PCDHGA5: variants seen among roughly 807,000 people sequenced by gnomAD.
PCDHGA5 encodes the protein protocadherin gamma subfamily A, 5, also known as protocadherin gamma-A5.
A neutral mutation model predicts 56.7 loss-of-function variants in PCDHGA5; 36 were observed. The ratio of observed to expected loss-of-function variants is 0.64; its 90% confidence interval spans 0.49 to 0.84. The LOEUF (loss-of-function observed/expected upper bound fraction) is 0.84. PCDHGA5 is among the 40% of genes least tolerant of loss of function. The pLI, the probability that PCDHGA5 is intolerant of heterozygous loss-of-function variation, is 0.00. For missense variants in PCDHGA5, 1,305 were observed against 1,201.5 expected, an observed-to-expected ratio of 1.09 and a Z score of -1.27; for synonymous variants, 563 against 520.2, an observed-to-expected ratio of 1.08 and a Z score of -1.12.
intron 1 of PCDHGA5, chr5:141,371,379 G>A (rs993730534): frequency 6.2e-7 from 1 of 1,613,974 alleles, no homozygotes; most frequent in Non-Finnish European, 8.5e-7. Flanking sequence ...ACATCACACT[G>A]CATATTGTAA....
At chr5:141,415,458 C>T in intron 1 of PCDHGA5, 5 of 1,614,204 alleles carry the variant, frequency 3.1e-6, no homozygotes, top group Non-Finnish European at 4.2e-6. Flanking sequence ...CCCACGAGGT[C>T]TCTCTCACCG....
At chr5:141,479,855 C>T (rs1330076788) in intron 1 of PCDHGA5, among the ~76,000 whole-genome samples, 2 of 152,128 alleles carry the variant, frequency 1.3e-5, no homozygotes, top group Non-Finnish European at 2.9e-5. Context: ...ACTGCAAGGC[C>T]TTTGCCCTGG....
At chr5:141,423,712 T>C (rs1231796741) in intron 1 of PCDHGA5, 2 of 1,313,518 alleles carry the variant, frequency 1.5e-6, no homozygotes, top group Admixed American at 3.2e-5. Flanking sequence ...CACAAGTCTT[T>C]TAAGGAGATG....
rs112078596 is a variant in PCDHGA5, at chr5:141,490,350, G to A, written c.2422-4457G>A. ...GCACACCAGTGGGCACAGTAGTGGG[G>A]TTGTTTAATGTGCGAGACCGGGACT... On this transcript the variant is annotated intron_variant, in intron 1 of 3. Coordinates refer to ENST00000518069, the MANE Select transcript of PCDHGA5 (RefSeq NM_018918.3). The surrounding 1 kb of genome is among the most constrained non-coding windows in gnomAD (Gnocchi z 5.4). 3.5e-5 allele frequency: 57 copies of A among 1,614,086 alleles called. No homozygotes were observed. The highest frequency in any genetic ancestry group is 4.6e-5 in the Non-Finnish European group (54 of 1,180,042).
chr5:141,385,482 A>G, intron 1 of PCDHGA5: 3 of 1,423,440 alleles, frequency 2.1e-6, no homozygotes, highest in South Asian at 1.6e-5. Context: ...TTTAATATAG[A>G]ACACATAGGA....
At chr5:141,450,006 C>CTTT (rs1554136305) in intron 1 of PCDHGA5, among the ~76,000 whole-genome samples, 1 of 132,986 alleles carries the variant, frequency 7.5e-6, no homozygotes, top group Non-Finnish European at 1.6e-5. Context: ...TGCCATGTCT[C>CTTT]TTTTTTTTTT....
At chr5:141,408,002 T>A in intron 1 of PCDHGA5, 1 of 908,258 alleles carries the variant, frequency 1.1e-6, no homozygotes, top group Non-Finnish European at 1.6e-6. Flanking sequence ...GGCCTGGGAT[T>A]CCCTGCGCAG....
At chr5:141,374,935 T>C in intron 1 of PCDHGA5, 1 of 1,614,020 alleles carries the variant, frequency 6.2e-7, no homozygotes, top group East Asian at 2.2e-5. Context: ...TTGTGAAGAT[T>C]ACAGAAAAGA....
intron 1 of PCDHGA5, chr5:141,427,757 C>A: frequency 7.5e-7 from 1 of 1,340,702 alleles, no homozygotes; most frequent in Non-Finnish European, 1.1e-6. Flanking sequence ...CCATCGTTAC[C>A]ACTGACTTGG....
At chr5:141,494,648 T>G in intron 1 of PCDHGA5, 159 bp from the exon 2 acceptor site, 1 of 946,506 alleles carries the variant, frequency 1.1e-6, no homozygotes, top group Non-Finnish European at 1.3e-6. Flanking sequence ...ACCTGAGGTG[T>G]ATTTTGTCTT....
rs138463062 is a variant in PCDHGA5 at position 141,485,217 on chromosome 5, C to G, written c.2422-9590C>G. 6.8e-6 allele frequency: 11 copies of G among 1,613,996 alleles called. No individual in the cohort carries two copies. Among genetic ancestry groups the G allele is most frequent in the Non-Finnish European group, 9.3e-6 (11 of 1,179,978 alleles). ...AGCTGGACAGAAATCTGGCGGTGGGCTACCCTTTTGTTCCTCTTTTACCAC... is the reference window on the plus strand; with the variant it reads ...AGCTGGACAGAAATCTGGCGGTGGGGTACCCTTTTGTTCCTCTTTTACCAC... On this transcript the variant is annotated intron_variant, in intron 1 of 3. Coordinates refer to ENST00000518069, the MANE Select transcript of PCDHGA5 (RefSeq NM_018918.3). This position sits in a 1 kb window ranked among gnomAD's most constrained non-coding sequence, Gnocchi z 5.7.
At chr5:141,451,597 C>CAAGG (rs1434393705) in intron 1 of PCDHGA5, among the ~76,000 whole-genome samples, 3 of 152,076 alleles carry the variant, frequency 2.0e-5, no homozygotes, top group Non-Finnish European at 2.9e-5. Flanking sequence ...AAGTGACATA[C>CAAGG]AAGGCTAGGC....
chr5:141,371,918 C>A (rs1055994137), intron 1 of PCDHGA5: 4 of 1,613,254 alleles, frequency 2.5e-6, no homozygotes, highest in East Asian at 2.2e-5. Flanking sequence ...TGTCCGTGAG[C>A]GCGCGGAGCG....
Position 141,365,767 on chromosome 5 carries a change from C to T in PCDHGA5, c.1437C>T (p.Pro479=), listed in dbSNP as rs775369116. ...VSIFSVTAHD[P]DSGDNARVTY... ...TCTTCTCTGTGACAGCCCATGACCCCGACAGCGGCGACAACGCTCGAGTCA... is the reference window on the plus strand; with the variant it reads ...TCTTCTCTGTGACAGCCCATGACCCTGACAGCGGCGACAACGCTCGAGTCA... The change falls in exon 1 of 4, where the codon CCC becomes CCT. Residue 479 remains proline (P), a synonymous_variant. Coordinates refer to ENST00000518069, the MANE Select transcript of PCDHGA5 (RefSeq NM_018918.3). 4 of 1,613,718 alleles carry T rather than the reference C, an allele frequency of 2.5e-6. No individual in the cohort carries two copies. Among genetic ancestry groups the T allele is most frequent in the Non-Finnish European group, 2.5e-6 (3 of 1,179,880 alleles).
chr5:141,389,850 GC>G (rs757946267), intron 1 of PCDHGA5: 1 of 1,614,070 alleles, frequency 6.2e-7, no homozygotes, highest in Non-Finnish European at 8.5e-7. Context: ...CTCGGCCACT[GC>G]CACGTTGCAC....
At position 141,486,538 on chromosome 5, in the gene PCDHGA5, C is replaced by A; in HGVS notation, c.2422-8269C>A. 1 of 1,614,150 alleles carries A rather than the reference C, an allele frequency of 6.2e-7. No individual in the cohort carries two copies. Among genetic ancestry groups the A allele is most frequent in the Non-Finnish European group, 8.5e-7 (1 of 1,180,038 alleles). ...ATGTGAATGATAATCCACCCTCTTTCTTTCAGAGGTCACATGAGGTGTTTG... is the reference window on the plus strand; with the variant it reads ...ATGTGAATGATAATCCACCCTCTTTATTTCAGAGGTCACATGAGGTGTTTG... On this transcript the variant is annotated intron_variant, in intron 1 of 3. Coordinates refer to ENST00000518069, the MANE Select transcript of PCDHGA5 (RefSeq NM_018918.3). This position sits in a 1 kb window ranked among gnomAD's most constrained non-coding sequence, Gnocchi z 5.0.
chr5:141,370,449 C>G, intron 1 of PCDHGA5: 1 of 1,608,694 alleles, frequency 6.2e-7, no homozygotes, highest in East Asian at 2.2e-5. Flanking sequence ...AATGCTATTT[C>G]TCTTCCTGCT....
At position 141,511,247 on chromosome 5, in the gene PCDHGA5, C is replaced by A; in HGVS notation, c.*74C>A. The A allele has an allele frequency of 1.3e-6, 2 of 1,577,162 alleles. No individual in the cohort carries two copies. The highest frequency in any genetic ancestry group is 1.7e-6 in the Non-Finnish European group (2 of 1,161,712). On this transcript the variant is annotated 3_prime_UTR_variant, in exon 4 of 4. Transcript: ENST00000518069. Reference sequence around the variant, plus strand: ...CAGCTTCTCCTTACCTGCACCCAGGCCTCAGAGTTTCAGGGCTAACCCCCA... The same window carrying A: ...CAGCTTCTCCTTACCTGCACCCAGGACTCAGAGTTTCAGGGCTAACCCCCA...
rs2096651086 is a variant in PCDHGA5 at position 141,422,486 on chromosome 5, A to G, written c.2421+55735A>G. Reference sequence around the variant, plus strand: ...GACAGGGAGTTGGTCCAGAGCTACAATATAACGTTGACAGCCACAGACCAG... The same window carrying G: ...GACAGGGAGTTGGTCCAGAGCTACAGTATAACGTTGACAGCCACAGACCAG... On this transcript the variant is annotated intron_variant, in intron 1 of 3. Coordinates refer to ENST00000518069, the MANE Select transcript of PCDHGA5 (RefSeq NM_018918.3). The G allele has an allele frequency of 1.2e-6, 2 of 1,613,852 alleles. No individual in the cohort carries two copies. The highest frequency in any genetic ancestry group is 1.3e-5 in the African/African-American group (1 of 74,924).
Sources: allele counts gnomAD v4.1 joint callset (sites outside exome capture counted in the v4.1 genomes callset), GRCh38; gene constraint gnomAD v4.1.1; non-coding constraint Gnocchi (gnomAD v3.1); transcripts MANE v1.5; gene names NCBI Gene and HGNC (gene_info 2026-07-23, HGNC 2026-07-21).